The following HEG1 variants were observed in gnomAD, a reference collection of about 807,000 sequenced individuals.
HEG1 encodes the protein heart development protein with EGF like domains 1.
In HEG1, 56 loss-of-function variants were observed where a neutral mutation model predicts 125.6. The observed-to-expected ratio is 0.45, with a 90% confidence interval of 0.36 to 0.56. The LOEUF (loss-of-function observed/expected upper bound fraction) is 0.56. Among genes scored for constraint, HEG1 ranks in the 20% least tolerant of loss-of-function variants. The pLI is 0.00. For synonymous variants in HEG1, 644 were observed against 668.5 expected (o/e 0.96, Z 0.57); for missense variants, 1,523 against 1,670.0 (o/e 0.91, Z 1.53).
chr3:125,034,006 C>T (rs1937523218), intron 1 of HEG1, among the ~76,000 whole-genome samples: 1 of 115,344 alleles, frequency 8.7e-6, no homozygotes, highest in African/African-American at 3.3e-5. Context: ...TTCCATGAAA[C>T]CAGTCCCTGG....
rs1936328365 is a variant in HEG1, at chr3:124,967,069, G to A, written c.*3583C>T. On this transcript the variant is annotated 3_prime_UTR_variant, in exon 17 of 17. Coordinates refer to ENST00000311127, the MANE Select transcript of HEG1 (RefSeq NM_020733.2). ...GACCTCAGATGCCATCAGCCAACTT[G>A]ACTGAACCACCTATCAGCAATTTTG... 2.6e-5 allele frequency: 4 copies of A among 152,196 alleles called. No homozygotes were observed. In the South Asian group the frequency reaches 8.3e-4, roughly 31 times the overall value. 9.4% of individuals were successfully genotyped at this position (152,196 alleles called of 1,614,324 possible).
chr3:124,991,761 G>C (rs539336366), intron 12 of HEG1, among the ~76,000 whole-genome samples: 4 of 152,148 alleles, frequency 2.6e-5, no homozygotes, highest in Non-Finnish European at 4.4e-5. Context: ...ACAGGGGCCC[G>C]CCACAAAGCC....
chr3:124,980,094 G>A (rs925598912), intron 14 of HEG1, among the ~76,000 whole-genome samples: 2 of 152,170 alleles, frequency 1.3e-5, no homozygotes, highest in African/African-American at 4.8e-5. Context: ...TAACAAAAGT[G>A]AAGACAGAAA....
chr3:125,033,242 T>C (rs1468215907), intron 1 of HEG1, among the ~76,000 whole-genome samples: 3 of 152,166 alleles, frequency 2.0e-5, no homozygotes, highest in Non-Finnish European at 2.9e-5. Context: ...TGACTAGGAA[T>C]CCAGAGAAGT....
At chr3:125,025,122 T>C (rs1483441421) in intron 3 of HEG1, among the ~76,000 whole-genome samples, 2 of 152,244 alleles carry the variant, frequency 1.3e-5, no homozygotes, top group Admixed American at 6.5e-5. Flanking sequence ...CTGTATCGTG[T>C]AGTCAGAAAG....
intron 6 of HEG1, among the ~76,000 whole-genome samples, chr3:125,011,688 A>T (rs1011396383): frequency 1.3e-5 from 2 of 152,158 alleles, no homozygotes; most frequent in Non-Finnish European, 2.9e-5. Flanking sequence ...ATTGTGGCTG[A>T]CAGGTTGGAA....
At chr3:124,997,051 A>T (rs1936933516) in intron 12 of HEG1, among the ~76,000 whole-genome samples, 1 of 152,256 alleles carries the variant, frequency 6.6e-6, no homozygotes, top group Non-Finnish European at 1.5e-5. Context: ...CAAGCACTTC[A>T]TGAGACCTTT....
rs1459082019 is a variant in HEG1, at chr3:125,055,776, G to C, written c.115C>G (p.Arg39Gly). Residue 39 changes from arginine to glycine, a missense_variant, in exon 1 of 17, where the codon CGC becomes GGC. Arg to Gly is a moderately radical substitution (Grantham distance 125). Transcript: ENST00000311127. ...AGGGGCGCCAGGCTCAGCGCGCGGC[G>C]AGCCGGGGAAGGCGGCGGGTCCCGC... ...GTRDPPPSPA[R>G]RALSLAPLAG... is the part of the protein sequence containing the mutation. 1.0e-6 allele frequency: 1 copy of C among 996,766 alleles called. No homozygotes were observed. The highest frequency in any genetic ancestry group is 1.2e-6 in the Non-Finnish European group (1 of 838,698). 61.7% of individuals were successfully genotyped at this position (996,766 alleles called of 1,614,324 possible). A position where few individuals can be genotyped will look rare whatever the true frequency, so the allele number is the denominator to read the frequency against.
intron 5 of HEG1, among the ~76,000 whole-genome samples, chr3:125,015,875 T>C (rs936267200): frequency 1.3e-5 from 2 of 152,200 alleles, no homozygotes; most frequent in Non-Finnish European, 2.9e-5. Flanking sequence ...CAGTACGCCA[T>C]GGCCATGCTT....
chr3:125,038,159 T>C (rs1342932186), intron 1 of HEG1, among the ~76,000 whole-genome samples: 1 of 152,180 alleles, frequency 6.6e-6, no homozygotes, highest in Non-Finnish European at 1.5e-5. Flanking sequence ...CATACCAGAG[T>C]GGCCCCAGGC....
At chr3:125,009,644 T>C (rs1023956046) in intron 8 of HEG1, 61 bp downstream of exon 8, 3 of 1,494,066 alleles carry the variant, frequency 2.0e-6, no homozygotes, top group African/African-American at 1.4e-5. Context: ...AAATAACAAA[T>C]GTTACCTTGT....
chr3:125,050,427 A>C (rs2107715103), intron 1 of HEG1, among the ~76,000 whole-genome samples: 1 of 152,238 alleles, frequency 6.6e-6, no homozygotes, highest in East Asian at 1.9e-4. Flanking sequence ...TACAGGCGTG[A>C]GCCATCATGC....
chr3:124,994,266 C>G (rs1296410883), intron 12 of HEG1, among the ~76,000 whole-genome samples: 1 of 152,200 alleles, frequency 6.6e-6, no homozygotes, highest in Non-Finnish European at 1.5e-5. Context: ...AGGCGGAACT[C>G]AGCTGTGCAG....
intron 14 of HEG1, among the ~76,000 whole-genome samples, chr3:124,987,924 T>TACACACACACACACACACACACACACAC (rs67009322): frequency 8.6e-4 from 58 of 67,614 alleles, no homozygotes; most frequent in Non-Finnish European, 1.2e-3. Flanking sequence ...TATATATGTG[T>TACACACACACACACACACACACACACAC]ACACACACAC....
intron 14 of HEG1, among the ~76,000 whole-genome samples, chr3:124,984,460 A>G (rs1936707539): frequency 6.6e-6 from 1 of 152,164 alleles, no homozygotes; most frequent in South Asian, 2.1e-4. Flanking sequence ...GACAATAACC[A>G]TAAAACAGAA....
rs1466140025 is a variant in HEG1 at position 124,968,744 on chromosome 3, A to C, written c.*1908T>G. 6.6e-6 allele frequency: 1 copy of C among 152,238 alleles called. No homozygotes were observed. Among genetic ancestry groups the C allele is most frequent in the African/African-American group, 2.4e-5 (1 of 41,460 alleles). The allele number at this position is 152,238 out of a possible 1,614,324, so 9.4% of individuals were successfully genotyped here. On this transcript the variant is annotated 3_prime_UTR_variant, in exon 17 of 17. Coordinates refer to ENST00000311127, the MANE Select transcript of HEG1 (RefSeq NM_020733.2). ...GCCAAGAAGCCTAGTCTGTGGGCTCAGGTGAGCTGCAGGAGCTCAGAACTC... is the reference window on the plus strand; with the variant it reads ...GCCAAGAAGCCTAGTCTGTGGGCTCCGGTGAGCTGCAGGAGCTCAGAACTC...
At chr3:125,031,712 A>C (rs1468395133) in intron 1 of HEG1, among the ~76,000 whole-genome samples, 2 of 151,092 alleles carry the variant, frequency 1.3e-5, no homozygotes, top group Non-Finnish European at 3.0e-5. Context: ...TACCCCCCAC[A>C]CACACACATA....
At chr3:125,021,274 C>T in intron 3 of HEG1, 144 bp from the exon 4 acceptor site, 1 of 640,128 alleles carries the variant, frequency 1.6e-6, no homozygotes, top group Non-Finnish European at 2.7e-6. Context: ...CATATCTATA[C>T]ACACGCATGC....
chr3:125,019,640 A>C, intron 4 of HEG1, 43 bp from the exon 5 acceptor site: 1 of 1,509,934 alleles, frequency 6.6e-7, no homozygotes, highest in Non-Finnish European at 9.1e-7. Flanking sequence ...CATAGGTATG[A>C]AAGAGATCCC....
Sources: gnomAD v4.1 joint callset for allele counts (sites outside exome capture counted in the v4.1 genomes callset) on GRCh38, gnomAD v4.1.1 for gene constraint, MANE v1.5 for transcripts, NCBI Gene and HGNC (gene_info 2026-07-23, HGNC 2026-07-21) for gene names.